Variants in GABRB1 observed in about 807,000 individuals in gnomAD.
GABRB1 encodes the protein gamma-aminobutyric acid receptor subunit beta-1.
GABRB1 carries 17 observed loss-of-function variants against 51.6 expected under a neutral mutation model. The ratio of observed to expected loss-of-function variants is 0.33; its 90% confidence interval spans 0.23 to 0.49. GABRB1 has a LOEUF of 0.49. Among genes scored for constraint, GABRB1 ranks in the 20% least tolerant of loss-of-function variants. The pLI, the probability that GABRB1 is intolerant of heterozygous loss-of-function variation, is 0.99. For synonymous variants in GABRB1, 247 were observed against 218.9 expected, an observed-to-expected ratio of 1.13 and a Z score of -1.14; for missense variants, 410 against 600.6, an observed-to-expected ratio of 0.68 and a Z score of 3.32.
At chr4:47,092,268 G>T (rs530436552) in intron 3 of GABRB1, among the ~76,000 whole-genome samples, 3 of 143,938 alleles carry the variant, frequency 2.1e-5, no homozygotes, top group Non-Finnish European at 3.0e-5. Flanking sequence ...GGCCTCCCTG[G>T]TTCAAATGAT....
rs146445802 is a variant in GABRB1, at chr4:47,149,112, C to T, written c.241-12137C>T. ...CTCACCTATCAAAGGAAGATATTAA[C>T]TCCAACTCTATATGGTGGTTTTATA... On this transcript the variant is annotated intron_variant, in intron 3 of 8. Transcript: ENST00000295454. 1.6e-4 allele frequency among the ~76,000 whole-genome samples: 25 copies of T among 152,032 alleles called. No individual in the cohort carries two copies. The East Asian group carries it at 4.7e-3, about 28-fold the overall frequency.
At chr4:47,336,644 T>A (rs1414039116) in intron 5 of GABRB1, among the ~76,000 whole-genome samples, 1 of 151,458 alleles carries the variant, frequency 6.6e-6, no homozygotes, top group Non-Finnish European at 1.5e-5. Flanking sequence ...AAAAAAAAAA[T>A]GTTCTAGAAA....
chr4:47,395,633 T>C (rs562351420), intron 5 of GABRB1, among the ~76,000 whole-genome samples: 2 of 152,336 alleles, frequency 1.3e-5, no homozygotes, highest in African/African-American at 2.4e-5. Flanking sequence ...AGAAAATACA[T>C]AGGATGCCAA....
chr4:47,350,218 T>TATATATAGAGAGAGAGAGAG (rs750199965), intron 5 of GABRB1, among the ~76,000 whole-genome samples: 1 of 56,656 alleles, frequency 1.8e-5, no homozygotes, highest in African/African-American at 8.0e-5. Flanking sequence ...TATATATATA[T>TATATATAGAGAGAGAGAGAG]AGAGAGAGAG....
intron 3 of GABRB1, among the ~76,000 whole-genome samples, chr4:47,145,400 C>G (rs1717117398): frequency 6.6e-6 from 1 of 151,990 alleles, no homozygotes; most frequent in East Asian, 1.9e-4. Context: ...TGCAGTGTGG[C>G]AAGCCCACAA....
At chr4:47,414,263 C>G (rs1239555000) in intron 8 of GABRB1, among the ~76,000 whole-genome samples, 2 of 152,124 alleles carry the variant, frequency 1.3e-5, no homozygotes. Context: ...CTCAGGAGGT[C>G]CCGTCGACAT....
intron 3 of GABRB1, among the ~76,000 whole-genome samples, chr4:47,043,814 T>C (rs190170256): frequency 6.6e-6 from 1 of 152,124 alleles, no homozygotes; most frequent in African/African-American, 2.4e-5. Context: ...TAGAACTTGA[T>C]GTATTCAGCT....
At chr4:47,048,518 C>G (rs1012589145) in intron 3 of GABRB1, among the ~76,000 whole-genome samples, 1 of 151,988 alleles carries the variant, frequency 6.6e-6, no homozygotes, top group Non-Finnish European at 1.5e-5. Context: ...TCAATTTAAG[C>G]GTGATGCATT....
At chr4:47,361,249 A>C (rs934497773) in intron 5 of GABRB1, among the ~76,000 whole-genome samples, 2 of 152,314 alleles carry the variant, frequency 1.3e-5, no homozygotes, top group South Asian at 4.1e-4. Context: ...ACAACAAAAA[A>C]TTTCTTCTGG....
chr4:47,090,365 A>C (rs2109584502), intron 3 of GABRB1, among the ~76,000 whole-genome samples: 1 of 152,320 alleles, frequency 6.6e-6, no homozygotes, highest in South Asian at 2.1e-4. Context: ...AGGGTTGTGA[A>C]GTGTTCAAAA....
chr4:47,146,591 G>A (rs148911955), intron 3 of GABRB1, among the ~76,000 whole-genome samples: 352 of 152,100 alleles, frequency 2.3e-3, no homozygotes, highest in African/African-American at 8.3e-3. Flanking sequence ...AATTAATAGC[G>A]TAATAATCTC....
chr4:47,307,066 A>G (rs528119980), intron 4 of GABRB1, among the ~76,000 whole-genome samples: 1 of 152,166 alleles, frequency 6.6e-6, no homozygotes, highest in South Asian at 2.1e-4. Context: ...TTTTCTCACC[A>G]GAAGTATGAC....
chr4:47,361,011 C>A (rs762584153), intron 5 of GABRB1, among the ~76,000 whole-genome samples: 1 of 151,984 alleles, frequency 6.6e-6, no homozygotes, highest in African/African-American at 2.4e-5. Flanking sequence ...ATTGAAATCA[C>A]AGAAATTTTG....
intron 5 of GABRB1, among the ~76,000 whole-genome samples, chr4:47,383,704 T>C (rs928525933): frequency 6.6e-5 from 10 of 152,168 alleles, no homozygotes; most frequent in African/African-American, 2.4e-4. Flanking sequence ...TGAGCTACCA[T>C]ACTCCTCAAA....
chr4:47,174,593 C>G (rs763355409), intron 4 of GABRB1, among the ~76,000 whole-genome samples: 4 of 148,412 alleles, frequency 2.7e-5, no homozygotes, highest in Non-Finnish European at 6.0e-5. Context: ...AAAGATGGTC[C>G]CCAACTTATA....
chr4:47,250,619 C>G (rs909135572), intron 4 of GABRB1, among the ~76,000 whole-genome samples: 1 of 152,056 alleles, frequency 6.6e-6, no homozygotes, highest in Non-Finnish European at 1.5e-5. Flanking sequence ...TAACATAATC[C>G]CAGACTTCTT....
intron 5 of GABRB1, among the ~76,000 whole-genome samples, chr4:47,362,423 T>G (rs1387978248): frequency 6.6e-6 from 1 of 152,130 alleles, no homozygotes. Flanking sequence ...AAAATTTATA[T>G]CTGTAATGAG....
chr4:47,257,569 G>A (rs1722263318), intron 4 of GABRB1, among the ~76,000 whole-genome samples: 1 of 151,754 alleles, frequency 6.6e-6, no homozygotes, highest in South Asian at 2.1e-4. Flanking sequence ...GAGGGAGGGT[G>A]GATTGGTGAG....
chr4:47,146,280 G>C (rs1049642294), intron 3 of GABRB1, among the ~76,000 whole-genome samples: 1 of 152,006 alleles, frequency 6.6e-6, no homozygotes, highest in Admixed American at 6.6e-5. Flanking sequence ...AAATGCCTCT[G>C]TCTTTCTCTC....
Sources: allele counts gnomAD v4.1 joint callset (sites outside exome capture counted in the v4.1 genomes callset), GRCh38; gene constraint gnomAD v4.1.1; transcripts MANE v1.5; gene names NCBI Gene and HGNC (gene_info 2026-07-23, HGNC 2026-07-21).